The following CSMD1 variants were observed in gnomAD, a reference collection of about 807,000 sequenced individuals.
The protein encoded by CSMD1 is CUB and sushi domain-containing protein 1.
CSMD1 carries 213 observed loss-of-function variants against 417.5 expected under a neutral mutation model. That is an observed-to-expected ratio of 0.51 (90% CI 0.46 to 0.57). The LOEUF is 0.57. CSMD1 is among the 20% of genes least tolerant of loss of function. The pLI is 0.00. For synonymous variants in CSMD1, 2,862 were observed against 1,736.8 expected (o/e 1.65, Z -16.11); for missense variants, 6,923 against 4,529.7 (o/e 1.53, Z -15.17).
At chr8:2,987,112 T>C (rs1805982320) in intron 54 of CSMD1, among the ~76,000 whole-genome samples, 1 of 152,148 alleles carries the variant, frequency 6.6e-6, no homozygotes. Flanking sequence ...AGGCTTTGGA[T>C]GTATTTTTCT....
chr8:3,504,691 C>G lies in CSMD1; in HGVS notation c.1345-10965G>C, dbSNP rs568362467. Among the ~76,000 whole-genome samples, 6 of 152,222 alleles carry G rather than the reference C, an allele frequency of 3.9e-5. No individual in the cohort carries two copies. In the East Asian group the frequency reaches 9.6e-4, roughly 24 times the overall value. ...AATGACCTCTTATCTTTTGAATTCC[C>G]GGCAAATTTTATCACCTGCACCCTT... On this transcript the variant is annotated intron_variant, in intron 10 of 69. Coordinates refer to ENST00000635120, the MANE Select transcript of CSMD1 (RefSeq NM_033225.6).
At chr8:3,420,989 G>A (rs907226830) in intron 12 of CSMD1, among the ~76,000 whole-genome samples, 2 of 151,882 alleles carry the variant, frequency 1.3e-5, no homozygotes, top group African/African-American at 4.8e-5. Context: ...GTTTTCCTCT[G>A]TGCTGTAGAT....
chr8:3,510,787 A>G (rs897868158), intron 10 of CSMD1, among the ~76,000 whole-genome samples: 4 of 151,800 alleles, frequency 2.6e-5, no homozygotes, highest in African/African-American at 9.7e-5. Context: ...GCCTATGTTT[A>G]TTAGCCGCAT....
chr8:3,540,764 T>C (rs6558788), intron 10 of CSMD1, among the ~76,000 whole-genome samples: 72,573 of 151,878 alleles, frequency 0.48, 17,815 homozygotes, highest in African/African-American at 0.58. Flanking sequence ...ATCCATGCAG[T>C]CAACAAACAT....
At chr8:3,366,094 ACC>A (rs1809549898) in intron 20 of CSMD1, among the ~76,000 whole-genome samples, 2 of 152,218 alleles carry the variant, frequency 1.3e-5, no homozygotes, top group Non-Finnish European at 2.9e-5. Flanking sequence ...CCCAGGGACC[ACC>A]TTATGAAAAT....
In CSMD1 at chr8:4,486,230, C is replaced by CATATAT. The variant is rs1207101853; in HGVS notation, c.303-66171_303-66166dup. Reference sequence around the variant, plus strand: ...ATATATATATATATATATATACATACATATATATATATATACATACATATA... The same window carrying CATATAT: ...ATATATATATATATATATATACATACATATATATATATATATATATACATACATATA... On this transcript the variant is annotated intron_variant, in intron 2 of 69. Transcript: ENST00000635120. 3.6e-4 allele frequency among the ~76,000 whole-genome samples: 6 copies of CATATAT among 16,458 alleles called. 1 individual carries two copies. Among genetic ancestry groups the CATATAT allele is most frequent in the Non-Finnish European group, 7.7e-4 (6 of 7,808 alleles). The allele number at this position is 16,458 out of a possible 152,430, so 10.8% of individuals were successfully genotyped here.
chr8:3,542,703 G>A (rs958237358), intron 10 of CSMD1, among the ~76,000 whole-genome samples: 9 of 152,336 alleles, frequency 5.9e-5, no homozygotes, highest in South Asian at 2.1e-4. Flanking sequence ...AAGAATAACT[G>A]TCAAATGTGC....
chr8:3,739,499 T>C (rs1021175226), intron 6 of CSMD1, among the ~76,000 whole-genome samples: 9 of 152,156 alleles, frequency 5.9e-5, no homozygotes, highest in African/African-American at 1.7e-4. Context: ...TTTCAAAATA[T>C]CTCTCTGTAT....
chr8:3,657,409 G>T (rs1269639157), intron 7 of CSMD1, among the ~76,000 whole-genome samples: 1 of 152,118 alleles, frequency 6.6e-6, no homozygotes, highest in African/African-American at 2.4e-5. Context: ...GTCTCAGGCA[G>T]CAGGTGCAAA....
intron 4 of CSMD1, among the ~76,000 whole-genome samples, chr8:4,009,168 G>A (rs1282802423): frequency 6.6e-6 from 1 of 152,182 alleles, no homozygotes; most frequent in Non-Finnish European, 1.5e-5. Context: ...AGATGCATTT[G>A]AATCTATTTA....
At chr8:4,911,273 G>C (rs910636140) in intron 1 of CSMD1, among the ~76,000 whole-genome samples, 2 of 152,152 alleles carry the variant, frequency 1.3e-5, no homozygotes, top group African/African-American at 2.4e-5. Context: ...CGTAATTTCT[G>C]CCTATACATA....
chr8:3,548,033 G>C (rs1036130267), intron 10 of CSMD1, among the ~76,000 whole-genome samples: 1 of 152,122 alleles, frequency 6.6e-6, no homozygotes, highest in Admixed American at 6.5e-5. Flanking sequence ...TTCCTGGAGA[G>C]GGGTAACCAC....
At position 4,133,387 on chromosome 8, in the gene CSMD1, T is replaced by C. The variant is rs565445484; in HGVS notation, c.416-101288A>G. On this transcript the variant is annotated intron_variant, in intron 3 of 69. Coordinates refer to ENST00000635120, the MANE Select transcript of CSMD1 (RefSeq NM_033225.6). ...CTTAATAAAGTGACACTTTATAACA[T>C]ATATACCTTCACACCTCTGTGACGT... Among the ~76,000 whole-genome samples, 3 of 152,228 alleles carry C rather than the reference T, an allele frequency of 2.0e-5. 1 individual carries two copies. Among genetic ancestry groups the C allele is most frequent in the South Asian group, 4.1e-4 (2 of 4,836 alleles).
chr8:3,243,879 C>T (rs1799709043), intron 26 of CSMD1, among the ~76,000 whole-genome samples: 1 of 151,786 alleles, frequency 6.6e-6, no homozygotes, highest in African/African-American at 2.4e-5. Context: ...AAAGTTGGGG[C>T]CACAGTCTAT....
At chr8:3,866,115 C>T (rs1442218356) in intron 5 of CSMD1, among the ~76,000 whole-genome samples, 2 of 152,050 alleles carry the variant, frequency 1.3e-5, no homozygotes, top group Non-Finnish European at 2.9e-5. Context: ...TACATTATTC[C>T]ATATGTAAGT....
At chr8:3,336,284 G>C (rs1003843677) in intron 23 of CSMD1, among the ~76,000 whole-genome samples, 7 of 152,096 alleles carry the variant, frequency 4.6e-5, no homozygotes, top group African/African-American at 1.7e-4. Flanking sequence ...GTGTTTCCAA[G>C]GCCCCTGAAC....
chr8:4,816,506 G>A lies in CSMD1; in HGVS notation c.85+177826C>T, dbSNP rs563067699. On this transcript the variant is annotated intron_variant, in intron 1 of 69. Transcript: ENST00000635120. The stretch of plus-strand genomic sequence containing the variant: ...GGCTCCCAAAATGTTGGGATTACAG[G>A]TGTGAGCCACCATGCGCAGCCAAAT... 1.3e-5 allele frequency among the ~76,000 whole-genome samples: 2 copies of A among 152,102 alleles called. 1 individual carries two copies. The highest frequency in any genetic ancestry group is 2.9e-5 in the Non-Finnish European group (2 of 68,018).
intron 4 of CSMD1, among the ~76,000 whole-genome samples, chr8:4,016,104 G>A (rs538978850): frequency 6.6e-6 from 1 of 152,054 alleles, no homozygotes; most frequent in Non-Finnish European, 1.5e-5. Flanking sequence ...AGGAAATTTT[G>A]GGATGGGATC....
chr8:4,169,843 T>C (rs942568870), intron 3 of CSMD1, among the ~76,000 whole-genome samples: 2 of 152,150 alleles, frequency 1.3e-5, no homozygotes, highest in Admixed American at 6.5e-5. Flanking sequence ...ATTATTTCCA[T>C]AGCATGCGTC....
Sources: gnomAD v4.1 joint callset for allele counts (sites outside exome capture counted in the v4.1 genomes callset) on GRCh38, gnomAD v4.1.1 for gene constraint, MANE v1.5 for transcripts, NCBI Gene and HGNC (gene_info 2026-07-23, HGNC 2026-07-21) for gene names.